Variants in SUMF2 observed in about 807,000 individuals in gnomAD.
SUMF2 encodes the protein inactive C-alpha-formylglycine-generating enzyme 2.
Under a neutral mutation model 44.8 loss-of-function variants are expected in SUMF2, and 45 were observed. The observed-to-expected ratio is 1.00, with a 90% CI of 0.79 to 1.29. The LOEUF is 1.29. Ranked by LOEUF, SUMF2 falls within the 50% of genes most tolerant of loss-of-function variation. The probability of loss-of-function intolerance (pLI) is 0.00; values close to 1 mark genes in which losing one functional copy is unlikely to be tolerated. For missense variants in SUMF2, 418 were observed against 389.9 expected (o/e 1.07, Z -0.61); for synonymous variants, 148 against 150.4 (o/e 0.98, Z 0.12).
chr7:56,082,118 C>T (rs1208871923), downstream of SUMF2: 16 of 1,611,768 alleles, frequency 9.9e-6, no homozygotes, highest in Non-Finnish European at 1.4e-5. Flanking sequence ...TACTTCCTCC[C>T]TTGCCCAGCC....
downstream of SUMF2, chr7:56,081,415 GC>G: frequency 7.3e-7 from 1 of 1,378,722 alleles, no homozygotes; most frequent in Non-Finnish European, 9.7e-7. The surrounding 1 kb of genome is among the most constrained non-coding windows in gnomAD (Gnocchi z 4.6). Context: ...CTTCTGCGGG[GC>G]CTTCCTAGTG....
In SUMF2 at chr7:56,074,217, AG is replaced by A. The variant is rs1795378901; in HGVS notation, c.384+1del. The A allele has an allele frequency of 6.2e-7, 1 of 1,613,860 alleles. No individual in the cohort carries two copies. Among genetic ancestry groups the A allele is most frequent in the Non-Finnish European group, 8.5e-7 (1 of 1,179,946 alleles). Reference protein sequence around the residue: ...WLPVEKAFWRQPAGPGSGIRE... With the variant: ...WLPVEKAFWRXPAGPGSGIRE... ...CCAGTGGAAAAGGCATTTTGGAGGC[AG>A]GTAAGGGCTGATTCCGCTACCTCAT... On this transcript the variant is annotated frameshift_variant and splice_region_variant, in exon 4 of 9. Coordinates refer to ENST00000434526, the MANE Select transcript of SUMF2 (RefSeq NM_015411.4). LOFTEE classifies it high-confidence loss of function.
chr7:56,081,606 G>A, downstream of SUMF2: 1 of 1,611,424 alleles, frequency 6.2e-7, no homozygotes, highest in Non-Finnish European at 8.5e-7. The surrounding 1 kb of genome is among the most constrained non-coding windows in gnomAD (Gnocchi z 4.6). Flanking sequence ...GGAGCTGGCG[G>A]GCCTGGATCA....
chr7:56,066,867 G>A (rs1257772581), intron 1 of SUMF2, among the ~76,000 whole-genome samples: 1 of 152,152 alleles, frequency 6.6e-6, no homozygotes, highest in Non-Finnish European at 1.5e-5. Flanking sequence ...TAATCTGCCC[G>A]CCTCGGCCTC....
chr7:56,086,964 A>T, the SUMF2 span: 2 of 1,610,676 alleles, frequency 1.2e-6, no homozygotes, highest in Non-Finnish European at 1.7e-6. Context: ...AGTGCTGGGT[A>T]CTTACAGGTC....
chr7:56,078,238 C>A, intron 7 of SUMF2, 52 bp downstream of exon 7: 1 of 1,581,498 alleles, frequency 6.3e-7, no homozygotes, highest in Non-Finnish European at 8.7e-7. Flanking sequence ...CTGTTGGGAC[C>A]ATCATGTCTG....
At chr7:56,086,876 G>T in the SUMF2 span, 1 of 922,056 alleles carries the variant, frequency 1.1e-6, no homozygotes, top group Non-Finnish European at 1.8e-6. Flanking sequence ...CAGCGCAGGA[G>T]CTGGCTGTGG....
chr7:56,067,682 CAG>C (rs1219042163), intron 1 of SUMF2, among the ~76,000 whole-genome samples: 2 of 151,900 alleles, frequency 1.3e-5, no homozygotes, highest in Non-Finnish European at 2.9e-5. Context: ...CATTTGAGCT[CAG>C]GAGTTTGAGA....
chr7:56,072,297 A>G (rs7811270), intron 2 of SUMF2, among the ~76,000 whole-genome samples: 101,854 of 151,162 alleles, frequency 0.67, 34,532 homozygotes, highest in Non-Finnish European at 0.71. Context: ...GTGGTGGTAT[A>G]CGTCTGTAAT....
At chr7:56,083,258 C>A (rs1186045230), downstream of SUMF2, 1 of 1,612,554 alleles carries the variant, frequency 6.2e-7, no homozygotes, top group Admixed American at 1.7e-5. Context: ...TGGACGTGGG[C>A]CAAGGCCATG....
rs369882538 is a variant in SUMF2 at position 56,068,539 on chromosome 7, C to G, written c.125C>G (p.Thr42Arg). The G allele has an allele frequency of 2.0e-3, 3,212 of 1,613,878 alleles. 77 individuals carry two copies. The South Asian group carries it at 0.033, about 17-fold the overall frequency. ...QLQGGRFLMG[T>R]NSPDSRDGDG... is the part of the protein sequence containing the mutation. The stretch of plus-strand genomic sequence containing the variant: ...CAGGGTGGGAGATTCCTGATGGGAA[C>G]AAATTCTCCAGACAGCAGAGATGGT... The change falls in exon 2 of 9, where the codon ACA (threonine) becomes AGA (arginine). Residue 42 changes from threonine (T) to arginine (R), a missense_variant. By Grantham distance (71) the Thr-to-Arg change is moderately conservative. Transcript: ENST00000434526.
At chr7:56,081,083 G>A (rs151274553), downstream of SUMF2, 430 of 1,612,900 alleles carry the variant, frequency 2.7e-4, no homozygotes, top group African/African-American at 2.3e-3. The surrounding 1 kb of genome is among the most constrained non-coding windows in gnomAD (Gnocchi z 4.6). Flanking sequence ...AGGGAGAGGA[G>A]CACGGCCTTG....
chr7:56,078,075 TC>T (rs1260074941), intron 6 of SUMF2, 26 bp from the exon 7 acceptor site: 17 of 1,588,806 alleles, frequency 1.1e-5, no homozygotes, highest in African/African-American at 1.3e-5. Context: ...AGGTGGTAAA[TC>T]CTTTACCCTT....
chr7:56,079,003 TC>T (rs1422431473), intron 8 of SUMF2: 1 of 618,912 alleles, frequency 1.6e-6, no homozygotes, highest in Non-Finnish European at 3.0e-6. Context: ...CTCTAGCGAT[TC>T]TTCCACCTCA....
At chr7:56,074,012 C>T in intron 3 of SUMF2, 162 bp from the exon 4 acceptor site, 1 of 550,604 alleles carries the variant, frequency 1.8e-6, no homozygotes, top group Admixed American at 3.5e-5. Context: ...AAGATCTTGT[C>T]TCAAAAAAAA....
At chr7:56,087,624 C>A in the SUMF2 span, 1 of 1,613,828 alleles carries the variant, frequency 6.2e-7, no homozygotes, top group Non-Finnish European at 8.5e-7. Context: ...TGAGACCTTG[C>A]GCAGGATGTC....
downstream of SUMF2, among the ~76,000 whole-genome samples, chr7:56,084,566 G>A (rs1226107630): frequency 3.3e-5 from 5 of 151,976 alleles, no homozygotes; most frequent in East Asian, 1.9e-4. Flanking sequence ...TAGAGACAGC[G>A]TTTCATCATG....
chr7:56,077,996 C>A, intron 6 of SUMF2, 106 bp from the exon 7 acceptor site: 1 of 948,700 alleles, frequency 1.1e-6, no homozygotes, highest in Non-Finnish European at 1.6e-6. Flanking sequence ...TGCCCTTCCC[C>A]TTCCCCAGAT....
downstream of SUMF2, chr7:56,081,364 C>A: frequency 6.5e-7 from 1 of 1,537,046 alleles, no homozygotes; most frequent in Non-Finnish European, 8.7e-7. This position sits in a 1 kb window ranked among gnomAD's most constrained non-coding sequence, Gnocchi z 4.6. Context: ...CCCTCCAGCA[C>A]AGGGACGCTC....
Sources: allele counts gnomAD v4.1 joint callset (sites outside exome capture counted in the v4.1 genomes callset), GRCh38; gene constraint gnomAD v4.1.1; non-coding constraint Gnocchi (gnomAD v3.1); transcripts MANE v1.5; gene names NCBI Gene and HGNC (gene_info 2026-07-23, HGNC 2026-07-21).